The following COG5 variants were observed in gnomAD, a reference collection of about 807,000 sequenced individuals.
The protein encoded by COG5 is component of oligomeric golgi complex 5, also known as conserved oligomeric Golgi complex subunit 5.
Under a neutral mutation model 110.4 loss-of-function variants are expected in COG5, and 86 were observed. The observed-to-expected ratio is 0.78, with a 90% confidence interval of 0.65 to 0.93. COG5 has a LOEUF of 0.93. Ranked by LOEUF, COG5 falls within the 40% of genes least tolerant of loss-of-function variation. COG5 has a pLI of 0.00. For missense variants in COG5, 1,077 were observed against 987.0 expected (o/e 1.09, Z -1.22); for synonymous variants, 360 against 334.6 (o/e 1.08, Z -0.83).
At chr7:107,500,790 C>T (rs2299430) in intron 6 of COG5, among the ~76,000 whole-genome samples, 1,702 of 152,138 alleles carry the variant, frequency 0.011, 28 homozygotes, top group East Asian at 0.074. Context: ...ATCTCTAACA[C>T]AGAAGTTAAA....
At chr7:107,299,112 T>A (rs984258313) in intron 11 of COG5, among the ~76,000 whole-genome samples, 1 of 152,062 alleles carries the variant, frequency 6.6e-6, no homozygotes. Flanking sequence ...TAAACTTCCA[T>A]TTTAAGAATA....
In COG5 at chr7:107,319,515, G is replaced by A. The variant is rs116089539; in HGVS notation, c.1108+4925C>T. Among the ~76,000 whole-genome samples, 828 of 152,244 alleles carry A rather than the reference G, an allele frequency of 5.4e-3. 9 individuals carry two copies. The highest frequency in any genetic ancestry group is 0.019 in the African/African-American group (803 of 41,548). ...TGGAAATTGCCAGGTAGAAAGCTGCGGTGATTTTAGCGTTCAATTTGTTTT... is the reference window on the plus strand; with the variant it reads ...TGGAAATTGCCAGGTAGAAAGCTGCAGTGATTTTAGCGTTCAATTTGTTTT... On this transcript the variant is annotated intron_variant, in intron 11 of 21. Coordinates refer to ENST00000297135, the MANE Select transcript of COG5 (RefSeq NM_006348.5).
At chr7:107,379,930 T>C (rs573032950) in intron 7 of COG5, among the ~76,000 whole-genome samples, 3 of 152,268 alleles carry the variant, frequency 2.0e-5, no homozygotes, top group South Asian at 4.1e-4. Context: ...GCGGACCTAA[T>C]AGTCATCTAC....
chr7:107,355,563 T>C (rs1003859292), intron 10 of COG5, among the ~76,000 whole-genome samples: 3 of 152,262 alleles, frequency 2.0e-5, no homozygotes, highest in Admixed American at 6.5e-5. Flanking sequence ...AACTGAGGTA[T>C]AGCTAGGCAA....
At chr7:107,306,962 C>T (rs1207096576) in intron 11 of COG5, among the ~76,000 whole-genome samples, 2 of 152,124 alleles carry the variant, frequency 1.3e-5, no homozygotes, top group African/African-American at 4.8e-5. Flanking sequence ...TTTTTAGCAC[C>T]TCACTTTCTA....
chr7:107,385,505 CAATT>C (rs1481941214), intron 7 of COG5, among the ~76,000 whole-genome samples: 1 of 152,154 alleles, frequency 6.6e-6, no homozygotes, highest in Non-Finnish European at 1.5e-5. Context: ...CATATATACA[CAATT>C]AAATATTATT....
intron 6 of COG5, among the ~76,000 whole-genome samples, chr7:107,508,327 G>T (rs1172100325): frequency 6.6e-6 from 1 of 152,246 alleles, no homozygotes; most frequent in Admixed American, 6.5e-5. Context: ...CAGCAAGGCT[G>T]GGGGAGGGGC....
At chr7:107,390,919 G>A (rs1790578417) in intron 7 of COG5, among the ~76,000 whole-genome samples, 2 of 151,640 alleles carry the variant, frequency 1.3e-5, no homozygotes, top group South Asian at 4.2e-4. Flanking sequence ...AGGCCAGAAG[G>A]TTTTTGCAAA....
intron 14 of COG5, among the ~76,000 whole-genome samples, chr7:107,268,670 T>C (rs180694439): frequency 5.9e-5 from 9 of 152,358 alleles, no homozygotes; most frequent in Non-Finnish European, 1.2e-4. Context: ...TCTGAGGCTG[T>C]CTTGTAAGGT....
In COG5 at chr7:107,453,663, T is replaced by C. The variant is rs1473721619; in HGVS notation, c.539-41031A>G. On this transcript the variant is annotated intron_variant, in intron 6 of 21. Transcript: ENST00000297135. ...CTAGTAAAACAATGGTATTTTTAAC[T>C]TATCTGAAATATCTTCATTACATCA... Among the ~76,000 whole-genome samples, 6 of 152,204 alleles carry C rather than the reference T, an allele frequency of 3.9e-5. No individual in the cohort carries two copies. The East Asian group carries it at 1.2e-3, about 29-fold the overall frequency.
At chr7:107,227,523 C>T (rs1241942543) in intron 19 of COG5, among the ~76,000 whole-genome samples, 3 of 152,138 alleles carry the variant, frequency 2.0e-5, no homozygotes, top group African/African-American at 7.2e-5. Flanking sequence ...GATTCTTTCT[C>T]TCATGTGAGA....
chr7:107,216,213 T>C (rs1199203683), intron 19 of COG5, among the ~76,000 whole-genome samples: 4 of 152,164 alleles, frequency 2.6e-5, no homozygotes, highest in African/African-American at 9.7e-5. Context: ...CAACTGTAAA[T>C]ATATCTGTAC....
At chr7:107,212,203 T>C (rs959511592) in intron 19 of COG5, among the ~76,000 whole-genome samples, 2 of 152,220 alleles carry the variant, frequency 1.3e-5, no homozygotes, top group Non-Finnish European at 2.9e-5. Flanking sequence ...TATTAACTAT[T>C]CTACAAGTAA....
intron 6 of COG5, among the ~76,000 whole-genome samples, chr7:107,439,955 C>T (rs947775152): frequency 3.3e-5 from 5 of 152,156 alleles, no homozygotes; most frequent in Admixed American, 2.0e-4. Context: ...TCATTGTAAT[C>T]GACACACTGT....
In COG5 at chr7:107,563,850, C is replaced by A. The variant is rs781711867; in HGVS notation, c.47G>T (p.Arg16Leu). Residue 16 changes from arginine (R) to leucine (L), a missense_variant, in exon 1 of 22, where the codon CGA (arginine) becomes CTA (leucine). By Grantham distance (102) the Arg-to-Leu change is moderately radical. Transcript: ENST00000297135. ...TGTAGCTGCAGCCGCTCCAGAGCCTCGAGCTCCGAGGCCAGCTACAGCGAC... is the reference window on the plus strand; with the variant it reads ...TGTAGCTGCAGCCGCTCCAGAGCCTAGAGCTCCGAGGCCAGCTACAGCGAC... ...GSVAVAGLGARGSGAAAATVR... is the reference protein window; with the variant it reads ...GSVAVAGLGALGSGAAAATVR... 4 of 1,613,732 alleles carry A rather than the reference C, an allele frequency of 2.5e-6. No homozygotes were observed. Among genetic ancestry groups the A allele is most frequent in the Non-Finnish European group, 3.4e-6 (4 of 1,179,940 alleles).
At chr7:107,558,475 G>A (rs1011080050) in intron 1 of COG5, among the ~76,000 whole-genome samples, 8 of 151,982 alleles carry the variant, frequency 5.3e-5, no homozygotes, top group Non-Finnish European at 1.2e-4. Context: ...ATCATGGCGG[G>A]TGCCTGTAAT....
Position 107,333,654 on chromosome 7 carries a change from G to T in COG5, c.1027-9133C>A, listed in dbSNP as rs375306108. 2.0e-5 allele frequency among the ~76,000 whole-genome samples: 3 copies of T among 152,188 alleles called. No individual in the cohort carries two copies. The East Asian group carries it at 5.8e-4, about 29-fold the overall frequency. ...TAAAATAAATACAGATAAACACAAA[G>T]ACTTTTTACAAAATAGTAACAGGTG... On this transcript the variant is annotated intron_variant, in intron 10 of 21. Coordinates refer to ENST00000297135, the MANE Select transcript of COG5 (RefSeq NM_006348.5).
intron 6 of COG5, among the ~76,000 whole-genome samples, chr7:107,496,742 C>T (rs533368956): frequency 1.3e-5 from 2 of 151,616 alleles, no homozygotes; most frequent in African/African-American, 2.4e-5. Flanking sequence ...AACACATGAC[C>T]ATTTCAACTG....
chr7:107,420,559 C>T (rs531071261), intron 6 of COG5, among the ~76,000 whole-genome samples: 18 of 152,124 alleles, frequency 1.2e-4, no homozygotes, highest in Non-Finnish European at 2.5e-4. Context: ...CTTCCAGGTT[C>T]AAGTGATTCT....
Sources: allele counts gnomAD v4.1 joint callset (sites outside exome capture counted in the v4.1 genomes callset), GRCh38; gene constraint gnomAD v4.1.1; transcripts MANE v1.5; gene names NCBI Gene and HGNC (gene_info 2026-07-23, HGNC 2026-07-21).